The following PCSK4 variants were observed in gnomAD, a reference collection of about 807,000 sequenced individuals.
PCSK4 encodes testicular tissue protein Li 135.
In PCSK4, 64 loss-of-function variants were observed where a neutral mutation model predicts 80.3. The ratio of observed to expected loss-of-function variants is 0.80; its 90% CI spans 0.65 to 0.98. PCSK4 has a LOEUF of 0.98. Among genes scored for constraint, PCSK4 ranks in the 50% least tolerant of loss-of-function variants. PCSK4 has a pLI of 0.00. For missense variants in PCSK4, 1,213 were observed against 1,093.6 expected, an observed-to-expected ratio of 1.11 and a Z score of -1.54; for synonymous variants, 561 against 487.6, an observed-to-expected ratio of 1.15 and a Z score of -1.98.
intron 2 of PCSK4, among the ~76,000 whole-genome samples, chr19:1,488,932 G>A (rs2084788964): frequency 6.6e-6 from 1 of 152,060 alleles, no homozygotes; most frequent in African/African-American, 2.4e-5. Context: ...TCTCCCTCCC[G>A]GTGCTGTAAG....
Position 1,488,194 on chromosome 19 carries a change from C to T in PCSK4, c.381G>A (p.Trp127Ter). 6.2e-7 allele frequency: 1 copy of T among 1,613,658 alleles called. No individual in the cohort carries two copies. Among genetic ancestry groups the T allele is most frequent in the Non-Finnish European group, 8.5e-7 (1 of 1,179,926 alleles). Residue 127 changes from tryptophan (W) to a stop codon, truncating the protein, a stop_gained, in exon 3 of 15, where the codon TGG (tryptophan) becomes TGA (stop). Transcript: ENST00000300954. LOFTEE classifies it high-confidence loss of function. ...ACCCTGGCTGCCTGCTCACCATGTA[C>T]CACTGCTTGGAGAACCAGGGGTCCG...
exon 15 of PCSK4, chr19:1,482,003 G>A: frequency 5.7e-6 from 9 of 1,586,098 alleles, no homozygotes; most frequent in East Asian, 2.3e-5. Flanking sequence ...CTGGTCCAGC[G>A]TGGAGGATGG....
chr19:1,483,552 G>T, intron 11 of PCSK4, 89 bp from the exon 12 acceptor site: 2 of 1,413,582 alleles, frequency 1.4e-6, no homozygotes, highest in Non-Finnish European at 9.7e-7. Context: ...CAGAGGTCAC[G>T]GGGTCCAGCC....
At chr19:1,481,996 G>C in exon 15 of PCSK4, 1 of 1,590,086 alleles carries the variant, frequency 6.3e-7, no homozygotes, top group Non-Finnish European at 8.5e-7. Context: ...CCTGCTGCTG[G>C]TCCAGCGTGG....
rs1568206455 is a variant in PCSK4 at position 1,483,394 on chromosome 19, GC to G, written c.1460del (p.Arg487ProfsTer10). 1 of 1,605,264 alleles carries G rather than the reference GC, an allele frequency of 6.2e-7. No individual in the cohort carries two copies. Among genetic ancestry groups the G allele is most frequent in the Admixed American group, 1.7e-5 (1 of 59,990 alleles). On this transcript the variant is annotated frameshift_variant, in exon 12 of 15. Transcript: ENST00000300954. LOFTEE classifies it high-confidence loss of function. ...GCTGCGCCTGCACGTGCTCCAGCGA[GC>G]GGATGGAGTTGTGGAGGCCGGCGCA...
intron 8 of PCSK4, 133 bp downstream of exon 8, chr19:1,486,720 C>T (rs1469974220): frequency 2.7e-6 from 2 of 753,796 alleles, no homozygotes; most frequent in East Asian, 5.4e-5. Flanking sequence ...GTGTGAGCCA[C>T]CGTGCTCGGC....
At chr19:1,487,531 G>T in intron 6 of PCSK4, 72 bp downstream of exon 6, 2 of 1,353,742 alleles carry the variant, frequency 1.5e-6, no homozygotes, top group Non-Finnish European at 2.1e-6. Context: ...GAGTCCTTGG[G>T]CCCAGCTCCC....
chr19:1,481,792 G>T (rs1007043091), exon 15 of PCSK4: 1 of 1,517,174 alleles, frequency 6.6e-7, no homozygotes, highest in Non-Finnish European at 8.8e-7. Flanking sequence ...CCTGGGGTTT[G>T]GTGGGGGTGG....
At chr19:1,482,942 G>A (rs1445978073) in exon 13 of PCSK4, 19 of 1,459,294 alleles carry the variant, frequency 1.3e-5, no homozygotes, top group Non-Finnish European at 1.6e-5. Context: ...GGGTCCACAC[G>A]CCCTGTGGGT....
At chr19:1,487,470 C>T (rs1382029175) in intron 6 of PCSK4, 133 bp downstream of exon 6, 4 of 1,006,870 alleles carry the variant, frequency 4.0e-6, no homozygotes, top group Admixed American at 4.4e-5. Flanking sequence ...ACCCCCCAAG[C>T]CCTGGAGTCT....
exon 4 of PCSK4, chr19:1,488,008 C>T: frequency 6.2e-7 from 1 of 1,613,500 alleles, no homozygotes; most frequent in Non-Finnish European, 8.5e-7. Context: ...ATGCCATCGT[C>T]CAGCACAGAG....
At chr19:1,483,081 A>C in intron 12 of PCSK4, 61 bp from the exon 13 acceptor site, 1 of 1,454,066 alleles carries the variant, frequency 6.9e-7, no homozygotes, top group South Asian at 1.4e-5. Flanking sequence ...TGAAGCCGGC[A>C]GAGCCCCATG....
intron 2 of PCSK4, chr19:1,489,592 C>T: frequency 4.3e-6 from 4 of 939,086 alleles, no homozygotes; most frequent in Non-Finnish European, 4.6e-6. Flanking sequence ...CCACTGTGTA[C>T]CAGGCCCTGG....
exon 15 of PCSK4, chr19:1,481,502 C>G: frequency 2.5e-6 from 1 of 397,744 alleles, no homozygotes; most frequent in Non-Finnish European, 4.5e-6. Context: ...TCACGTTTCT[C>G]TCCCTCCACT....
At position 1,482,491 on chromosome 19, in the gene PCSK4, G is replaced by A. The variant is rs778235675; in HGVS notation, c.1697-16C>T. On this transcript the variant is annotated splice_polypyrimidine_tract_variant and intron_variant, in intron 13 of 14. Coordinates refer to ENST00000300954, the Ensembl canonical transcript of PCSK4. ...TACAACGTCCCTGGACAGGGGTCGC[G>A]GGTGGGCACAGGAGGAAAAGGAGGC... 2.8e-5 allele frequency: 44 copies of A among 1,595,042 alleles called. No homozygotes were observed. The highest frequency in any genetic ancestry group is 3.4e-5 in the Admixed American group (2 of 59,508).
At chr19:1,489,461 C>T (rs791467) in intron 2 of PCSK4, 18,189 of 303,176 alleles carry the variant, frequency 0.06, 1,237 homozygotes, top group African/African-American at 0.21. Flanking sequence ...GAACCCATTA[C>T]GGTGTCGTAA....
chr19:1,489,853 C>T, exon 2 of PCSK4: 1 of 1,610,890 alleles, frequency 6.2e-7, no homozygotes, highest in Non-Finnish European at 8.5e-7. Context: ...ACTGCTGGAC[C>T]ACGCCCCGGT....
chr19:1,482,361 A>G, exon 14 of PCSK4: 1 of 1,542,342 alleles, frequency 6.5e-7, no homozygotes, highest in East Asian at 2.4e-5. Flanking sequence ...ACCCTGGCAC[A>G]GCCCCTCTGT....
intron 2 of PCSK4, chr19:1,489,458 T>G: frequency 6.6e-6 from 2 of 305,056 alleles, no homozygotes; most frequent in Non-Finnish European, 1.3e-5. Flanking sequence ...TTGGAACCCA[T>G]TACGGTGTCG....
Sources: gnomAD v4.1 joint callset for allele counts (sites outside exome capture counted in the v4.1 genomes callset) on GRCh38, gnomAD v4.1.1 for gene constraint, MANE v1.5 for transcripts, NCBI Gene and HGNC (gene_info 2026-07-23, HGNC 2026-07-21) for gene names.